The following ZNF480 variants were observed in gnomAD, a reference collection of about 807,000 sequenced individuals.
ZNF480 encodes the protein zinc finger protein 480.
ZNF480 carries 15 observed loss-of-function variants against 14.4 expected under a neutral mutation model. That is an observed-to-expected ratio of 1.04 (90% CI 0.70 to 1.60). The LOEUF (loss-of-function observed/expected upper bound fraction) is 1.60. ZNF480 is among the 40% of genes most tolerant of loss of function. The probability of loss-of-function intolerance (pLI) is 0.00; values close to 1 mark genes in which losing one functional copy is unlikely to be tolerated. For missense variants in ZNF480, 593 were observed against 629.7 expected (o/e 0.94, Z 0.62); for synonymous variants, 218 against 215.5 (o/e 1.01, Z -0.10).
chr19:52,300,637 T>TGAAACCC, intron 2 of ZNF480, 153 bp downstream of exon 2: 1 of 1,349,322 alleles, frequency 7.4e-7, no homozygotes, highest in African/African-American at 1.5e-5. Context: ...ACCAGCTTGG[T>TGAAACCC]CGTGGGGACC....
intron 2 of ZNF480, among the ~76,000 whole-genome samples, chr19:52,310,371 T>C (rs762021879): frequency 6.6e-6 from 1 of 152,200 alleles, no homozygotes. Flanking sequence ...AATATATTCT[T>C]ATTAGTTAAT....
At chr19:52,313,213 T>G (rs1482355365) in intron 2 of ZNF480, among the ~76,000 whole-genome samples, 1 of 149,484 alleles carries the variant, frequency 6.7e-6, no homozygotes, top group Non-Finnish European at 1.5e-5. Context: ...CTCAGCTCAC[T>G]GCAACCTCTG....
Position 52,308,415 on chromosome 19 carries a change from T to G in ZNF480, c.73-5738T>G, listed in dbSNP as rs951374001. On this transcript the variant is annotated intron_variant, in intron 2 of 4. Coordinates refer to ENST00000595962, the MANE Select transcript of ZNF480 (RefSeq NM_144684.4). ...TCTGTCTCCCTGGTTCAAGCAATTC[T>G]TGTGCCTCAGTGTCCCGAGTAGCTG... 4.0e-5 allele frequency among the ~76,000 whole-genome samples: 6 copies of G among 151,298 alleles called. No homozygotes were observed. In the Admixed American group the frequency reaches 4.0e-4, roughly 10 times the overall value.
At chr19:52,303,553 T>C (rs1430404418) in intron 2 of ZNF480, among the ~76,000 whole-genome samples, 6 of 152,238 alleles carry the variant, frequency 3.9e-5, no homozygotes, top group Admixed American at 3.3e-4. Flanking sequence ...GAAAAAGCCA[T>C]TCTACCAAGT....
At chr19:52,297,717 C>G (rs977999707) in intron 1 of ZNF480, 1 of 154,420 alleles carries the variant, frequency 6.5e-6, no homozygotes, top group Non-Finnish European at 1.4e-5. Context: ...CTCCCCAGGC[C>G]TCCTCTTCCC....
chr19:52,314,446 G>A (rs1283064371), intron 3 of ZNF480, among the ~76,000 whole-genome samples, 167 bp downstream of exon 3: 1 of 116,818 alleles, frequency 8.6e-6, no homozygotes. Context: ...GTCATTGCCA[G>A]CCTGCCAACA....
Position 52,322,355 on chromosome 19 carries a change from A to G in ZNF480, c.1105A>G (p.Lys369Glu). The change falls in exon 5 of 5, where the codon AAA becomes GAA. Residue 369 changes from lysine to glutamate, a missense_variant. Transcript: ENST00000595962. ...ACATCAGAAAATTCATACTGGAGAGAAACCTTACAAATGTAATGAATGTGG... is the reference window on the plus strand; with the variant it reads ...ACATCAGAAAATTCATACTGGAGAGGAACCTTACAAATGTAATGAATGTGG... Reference protein sequence around the residue: ...VRHQKIHTGEKPYKCNECGKV... With the variant: ...VRHQKIHTGEEPYKCNECGKV... 6.2e-7 allele frequency: 1 copy of G among 1,614,012 alleles called. No individual in the cohort carries two copies. Among genetic ancestry groups the G allele is most frequent in the Non-Finnish European group, 8.5e-7 (1 of 1,180,004 alleles).
intron 3 of ZNF480, among the ~76,000 whole-genome samples, chr19:52,315,560 A>C (rs970072617): frequency 6.6e-6 from 1 of 151,504 alleles, no homozygotes; most frequent in African/African-American, 2.4e-5. Flanking sequence ...ACCTCAGGTG[A>C]TCCACCCGTC....
At chr19:52,297,273 CT>C (rs773238662) in intron 1 of ZNF480, 50 bp downstream of exon 1, 1 of 449,868 alleles carries the variant, frequency 2.2e-6, no homozygotes, top group South Asian at 1.6e-5. Context: ...CTCCCCCGCG[CT>C]TCTGTACCCG....
chr19:52,316,715 G>A (rs1473104547), intron 4 of ZNF480, among the ~76,000 whole-genome samples: 1 of 152,034 alleles, frequency 6.6e-6, no homozygotes, highest in Non-Finnish European at 1.5e-5. Flanking sequence ...TAATTCCCCC[G>A]ACAATTTCAC....
rs533959572 is a variant in ZNF480, at chr19:52,325,537, A to G, written c.*2679A>G. On this transcript the variant is annotated 3_prime_UTR_variant, in exon 5 of 5. Transcript: ENST00000595962. The stretch of plus-strand genomic sequence containing the variant: ...CAACGTAAATGCCCATCAGCAGTAG[A>G]CCAGATAAAGAAAATTTGGTACATA... The G allele has an allele frequency of 1.3e-5, 2 of 152,362 alleles. No individual in the cohort carries two copies. The highest frequency in any genetic ancestry group is 4.8e-5 in the African/African-American group (2 of 41,580). 9.4% of individuals were successfully genotyped at this position (152,362 alleles called of 1,614,324 possible). A position where few individuals can be genotyped will look rare whatever the true frequency, so the allele number is the denominator to read the frequency against.
intron 2 of ZNF480, among the ~76,000 whole-genome samples, chr19:52,304,774 T>A (rs2122521422): frequency 6.6e-6 from 1 of 152,144 alleles, no homozygotes; most frequent in East Asian, 1.9e-4. Context: ...CTGTAATAAA[T>A]CTCTTCCCCA....
chr19:52,322,376 T>C lies in ZNF480; in HGVS notation c.1126T>C (p.Cys376Arg), dbSNP rs373742493. ...TGEKPYKCNE[C>R]GKVFIQNSHL... is the part of the protein sequence containing the mutation. ...AGAGAAACCTTACAAATGTAATGAA[T>C]GTGGAAAGGTCTTTATTCAAAATTC... Residue 376 changes from cysteine to arginine, a missense_variant, in exon 5 of 5, where the codon TGT becomes CGT. Physicochemically the swap from Cys to Arg is radical, Grantham distance 180. Transcript: ENST00000595962. 1.2e-5 allele frequency: 19 copies of C among 1,613,814 alleles called. No individual in the cohort carries two copies. The highest frequency in any genetic ancestry group is 8.3e-5 in the Admixed American group (5 of 59,968).
intron 2 of ZNF480, 104 bp downstream of exon 2, chr19:52,300,588 G>A: frequency 1.3e-6 from 2 of 1,577,454 alleles, no homozygotes; most frequent in Non-Finnish European, 1.7e-6. Flanking sequence ...TGCCTGACAG[G>A]TTTGCTCACG....
chr19:52,307,518 G>A (rs574296949), intron 2 of ZNF480: 6 of 152,294 alleles, frequency 3.9e-5, no homozygotes, highest in Middle Eastern at 3.4e-3. Flanking sequence ...AGACCAGCTC[G>A]GTCGTGGGGA....
intron 2 of ZNF480, among the ~76,000 whole-genome samples, chr19:52,303,756 A>G (rs1229988924): frequency 6.6e-6 from 1 of 152,212 alleles, no homozygotes; most frequent in Non-Finnish European, 1.5e-5. Flanking sequence ...AGGATAGAAA[A>G]TAGATTACTC....
rs749710865 is a variant in ZNF480 at position 52,314,228 on chromosome 19, G to A, written c.148G>A (p.Ala50Thr). 2 of 1,583,220 alleles carry A rather than the reference G, an allele frequency of 1.3e-6. No individual in the cohort carries two copies. Among genetic ancestry groups the A allele is most frequent in the Non-Finnish European group, 8.6e-7 (1 of 1,160,526 alleles). ...EWKCLDPAQR[A>T]LYKDVMLENY... ...GAAATGCCTGGACCCTGCACAGAGG[G>A]CTTTATACAAGGATGTGATGTTGGA... is the stretch of plus-strand genomic sequence containing the variant. Residue 50 changes from alanine to threonine, a missense_variant, in exon 3 of 5, where the codon GCT becomes ACT. Coordinates refer to ENST00000595962, the MANE Select transcript of ZNF480 (RefSeq NM_144684.4).
At chr19:52,316,205 TTTC>T (rs1339674069) in intron 4 of ZNF480, among the ~76,000 whole-genome samples, 1 of 151,120 alleles carries the variant, frequency 6.6e-6, no homozygotes, top group Non-Finnish European at 1.5e-5. Context: ...TCTTTCTTTC[TTTC>T]TTTCTTTCTT....
chr19:52,316,197 T>TTTCTTTCTTTCTTTCC, intron 4 of ZNF480, among the ~76,000 whole-genome samples: 1 of 139,182 alleles, frequency 7.2e-6, no homozygotes, highest in African/African-American at 3.3e-5. Context: ...TCTCTTTCTC[T>TTTCTTTCTTTCTTTCC]TTCTTTCTTT....
Sources: gnomAD v4.1 joint callset for allele counts (sites outside exome capture counted in the v4.1 genomes callset) on GRCh38, gnomAD v4.1.1 for gene constraint, MANE v1.5 for transcripts, NCBI Gene and HGNC (gene_info 2026-07-23, HGNC 2026-07-21) for gene names.